Variants in PCDH19 observed in about 807,000 individuals in gnomAD.
PCDH19 encodes protocadherin-19.
Under a neutral mutation model 46.2 loss-of-function variants are expected in PCDH19, and 6 were observed. The ratio of observed to expected loss-of-function variants is 0.13; its 90% CI spans 0.07 to 0.26. The LOEUF is 0.26. Ranked by LOEUF, PCDH19 falls within the 10% of genes least tolerant of loss-of-function variation. PCDH19 has a pLI of 1.00. For missense variants in PCDH19, 740 were observed against 972.3 expected, an observed-to-expected ratio of 0.76 and a Z score of 3.18; for synonymous variants, 481 against 415.7, an observed-to-expected ratio of 1.16 and a Z score of -1.91.
chrX:100,303,306 AAAGG>A (rs1293669934), intron 5 of PCDH19, among the ~76,000 whole-genome samples: 3 of 110,439 alleles, frequency 2.7e-5, no homozygotes, highest in African/African-American at 9.9e-5. Flanking sequence ...AGGAAGGAAG[AAAGG>A]AAGGAAGGAA....
chrX:100,340,756 A>C (rs190237862), intron 5 of PCDH19, among the ~76,000 whole-genome samples: 99 of 112,333 alleles, frequency 8.8e-4, no homozygotes, highest in African/African-American at 3.0e-3. Context: ...TTTTTCCATG[A>C]AAAACATTTT....
At chrX:100,341,251 G>A (rs2147484423) in intron 5 of PCDH19, among the ~76,000 whole-genome samples, 1 of 111,824 alleles carries the variant, frequency 8.9e-6, no homozygotes, top group East Asian at 2.8e-4. Context: ...CTCCTGACAT[G>A]TGCTTTGAGG....
chrX:100,324,165 G>A (rs1313629565), intron 5 of PCDH19, among the ~76,000 whole-genome samples: 3 of 111,884 alleles, frequency 2.7e-5, no homozygotes, highest in East Asian at 2.8e-4. Flanking sequence ...AAGGAGGAAC[G>A]ATCAGACAAT....
At chrX:100,332,194 A>G (rs1925891279) in intron 5 of PCDH19, among the ~76,000 whole-genome samples, 1 of 112,149 alleles carries the variant, frequency 8.9e-6, no homozygotes, top group African/African-American at 3.2e-5. Context: ...GAATAAATAA[A>G]TGATACATAA....
chrX:100,348,395 A>G (rs1319241785), intron 4 of PCDH19, among the ~76,000 whole-genome samples: 1 of 111,278 alleles, frequency 9.0e-6, no homozygotes, highest in African/African-American at 3.3e-5. Context: ...AGCATAGCAC[A>G]CAAGATTCCC....
At chrX:100,330,722 A>G (rs1245810776) in intron 5 of PCDH19, among the ~76,000 whole-genome samples, 9 of 112,045 alleles carry the variant, frequency 8.0e-5, no homozygotes, top group Non-Finnish European at 1.7e-4. Context: ...AAAACTCTAG[A>G]GTTCTTTAGC....
chrX:100,403,531 C>T lies in PCDH19; in HGVS notation c.2281G>A (p.Gly761Arg). 8.3e-7 allele frequency: 1 copy of T among 1,208,924 alleles called. No homozygotes were observed. The highest frequency in any genetic ancestry group is 1.1e-6 in the Non-Finnish European group (1 of 894,769). Residue 761 changes from glycine to arginine, a missense_variant, in exon 2 of 6, where the codon GGA becomes AGA. Transcript: ENST00000373034. The stretch of plus-strand genomic sequence containing the variant: ...GGGGAAATGCCTTTTTACCTCTTTC[C>T]CCTTAGGCTCACTTTCTCCTCTGTC... ...KKTEEKVSLR[G>R]KRIAEYSYGH...
At chrX:100,325,162 T>C (rs752048114) in intron 5 of PCDH19, among the ~76,000 whole-genome samples, 2 of 82,468 alleles carry the variant, frequency 2.4e-5, no homozygotes, top group Non-Finnish European at 2.4e-5. Context: ...GATAGATAGA[T>C]AGATAGACAG....
At chrX:100,391,656 C>G (rs933651519) in intron 3 of PCDH19, among the ~76,000 whole-genome samples, 15 of 112,021 alleles carry the variant, frequency 1.3e-4, no homozygotes, top group Non-Finnish European at 2.4e-4. Context: ...ACTTGGAGAT[C>G]CCCCAACCCA....
rs187934123 is a variant in PCDH19 at position 100,331,494 on chromosome X, G to A, written c.2848+10409C>T. 2.1e-4 allele frequency among the ~76,000 whole-genome samples: 24 copies of A among 111,830 alleles called. No individual in the cohort carries two copies. The East Asian group carries it at 3.9e-3, about 18-fold the overall frequency. On this transcript the variant is annotated intron_variant, in intron 5 of 5. Transcript: ENST00000373034. ...TCCCCTAAAAAGCAACTTTTCTGAT[G>A]TTCCTAAAAAGAGCAGCTCAAACCT...
chrX:100,371,024 T>TGTGG (rs1555981037), intron 3 of PCDH19, among the ~76,000 whole-genome samples: 4 of 108,016 alleles, frequency 3.7e-5, no homozygotes, highest in African/African-American at 1.3e-4. Context: ...TGTGTGTGTG[T>TGTGG]GGGTGTGTGT....
intron 3 of PCDH19, among the ~76,000 whole-genome samples, chrX:100,390,373 G>T (rs963642036): frequency 9.0e-6 from 1 of 111,560 alleles, no homozygotes; most frequent in Non-Finnish European, 1.9e-5. Context: ...CTAACAGCAG[G>T]GCACTATAAC....
chrX:100,409,940 G>T lies in PCDH19; in HGVS notation c.-1343C>A. The T allele has an allele frequency of 3.1e-6, 1 of 321,661 alleles. No homozygotes were observed. Among genetic ancestry groups the T allele is most frequent in the Non-Finnish European group, 5.3e-6 (1 of 188,297 alleles). The allele number at this position is 321,661 out of a possible 1,213,427, so 26.5% of individuals were successfully genotyped here. On this transcript the variant is annotated 5_prime_UTR_variant, in exon 1 of 6. Transcript: ENST00000373034. ...TCGGGAGGTCTGTCTCGCTTTCTCT[G>T]TCTGTCTCGGGCTGTGTGTGAATGT...
chrX:100,333,116 A>G (rs866757824), intron 5 of PCDH19, among the ~76,000 whole-genome samples: 12 of 15,767 alleles, frequency 7.6e-4, no homozygotes, highest in East Asian at 5.6e-3. Context: ...GAGGGAGGGA[A>G]GGAAGGAAGG....
chrX:100,346,853 G>C (rs1378643126), intron 4 of PCDH19, among the ~76,000 whole-genome samples: 1 of 107,365 alleles, frequency 9.3e-6, no homozygotes, highest in African/African-American at 3.6e-5. Flanking sequence ...TGTAGGAGTG[G>C]ATATCAGACA....
intron 5 of PCDH19, among the ~76,000 whole-genome samples, chrX:100,333,153 GGAAGGAAGGAAGGA>G (rs1177420796): frequency 1.8e-5 from 1 of 54,179 alleles, no homozygotes; most frequent in African/African-American, 6.1e-5. Context: ...AAGGAAGGAA[GGAAGGAAGGAAGGA>G]AGGAAGGGAG....
Position 100,296,362 on chromosome X carries a change from ACTTTCTCG to A in PCDH19, c.3354_3361del (p.Glu1119HisfsTer3). Reference sequence around the variant, plus strand: ...CAGAATGGGGCTGACCTCATGCATGACTTTCTCGCTATCAGCTCCACGGGGCTCAGCTT... The same window carrying A: ...CAGAATGGGGCTGACCTCATGCATGACTATCAGCTCCACGGGGCTCAGCTT... On this transcript the variant is annotated frameshift_variant, in exon 6 of 6. Coordinates refer to ENST00000373034, the MANE Select transcript of PCDH19 (RefSeq NM_001184880.2). LOFTEE classifies it high-confidence loss of function. The A allele has an allele frequency of 8.3e-7, 1 of 1,211,272 alleles. No homozygotes were observed. Among genetic ancestry groups the A allele is most frequent in the Non-Finnish European group, 1.1e-6 (1 of 895,303 alleles).
intron 2 of PCDH19, 132 bp from the exon 3 acceptor site, chrX:100,402,983 C>G: frequency 1.9e-6 from 1 of 531,396 alleles, no homozygotes; most frequent in East Asian, 3.6e-5. Flanking sequence ...ATTACATCAT[C>G]GGGTTTCTCC....
intron 5 of PCDH19, among the ~76,000 whole-genome samples, chrX:100,313,616 A>C (rs1925197017): frequency 9.0e-6 from 1 of 111,613 alleles, no homozygotes; most frequent in South Asian, 3.7e-4. Context: ...TTGCTATTAA[A>C]ACTGCAGATA....
Sources: gnomAD v4.1 joint callset for allele counts (sites outside exome capture counted in the v4.1 genomes callset) on GRCh38, gnomAD v4.1.1 for gene constraint, MANE v1.5 for transcripts, NCBI Gene and HGNC (gene_info 2026-07-23, HGNC 2026-07-21) for gene names.